LRRC52: variants seen among roughly 807,000 people sequenced by gnomAD.
The protein encoded by LRRC52 is leucine-rich repeat-containing protein 52.
In LRRC52, 15 loss-of-function variants were observed where a neutral mutation model predicts 14.7. That is an observed-to-expected ratio of 1.02 (90% CI 0.68 to 1.58). The LOEUF is 1.58. LRRC52 is among the 40% of genes most tolerant of loss of function. The pLI, the probability that LRRC52 is intolerant of heterozygous loss-of-function variation, is 0.00. For missense variants in LRRC52, 400 were observed against 387.7 expected, an observed-to-expected ratio of 1.03 and a Z score of -0.27; for synonymous variants, 180 against 163.9, an observed-to-expected ratio of 1.10 and a Z score of -0.75.
chr1:165,549,559 T>G (rs999407568), intron 1 of LRRC52, among the ~76,000 whole-genome samples: 3 of 152,210 alleles, frequency 2.0e-5, no homozygotes, highest in African/African-American at 7.2e-5. Context: ...TCCTTAAGCC[T>G]TTATCAGCTC....
rs561608247 is a variant in LRRC52 at position 165,553,729 on chromosome 1, T to C, written c.622+8811T>C. ...GGGGAGTGGCACCCCCTCTGCCCTCTGGGACTGCAGAGAAGGAGGCGAGGG... is the reference window on the plus strand; with the variant it reads ...GGGGAGTGGCACCCCCTCTGCCCTCCGGGACTGCAGAGAAGGAGGCGAGGG... On this transcript the variant is annotated intron_variant, in intron 1 of 1. Coordinates refer to ENST00000294818, the MANE Select transcript of LRRC52 (RefSeq NM_001005214.4). Among the ~76,000 whole-genome samples the C allele has an allele frequency of 1.7e-3, 253 of 152,202 alleles. 1 individual carries two copies. The highest frequency in any genetic ancestry group is 2.7e-3 in the Non-Finnish European group (184 of 67,986).
At chr1:165,561,070 T>C (rs1661330479) in intron 1 of LRRC52, among the ~76,000 whole-genome samples, 1 of 152,106 alleles carries the variant, frequency 6.6e-6, no homozygotes, top group Admixed American at 6.6e-5. Context: ...ATCTTGGCAG[T>C]GACTGCGACT....
chr1:165,559,637 C>T (rs1661303388), intron 1 of LRRC52, among the ~76,000 whole-genome samples: 1 of 152,124 alleles, frequency 6.6e-6, no homozygotes, highest in Non-Finnish European at 1.5e-5. Context: ...AACTTAATAT[C>T]CATAGGTTCT....
intron 1 of LRRC52, among the ~76,000 whole-genome samples, chr1:165,550,348 A>C (rs1661106817): frequency 6.6e-6 from 1 of 152,234 alleles, no homozygotes; most frequent in East Asian, 1.9e-4. Flanking sequence ...TTTCTGCAAC[A>C]GGGTAAATAG....
At chr1:165,547,872 T>C (rs1192470435) in intron 1 of LRRC52, among the ~76,000 whole-genome samples, 1 of 152,228 alleles carries the variant, frequency 6.6e-6, no homozygotes, top group Non-Finnish European at 1.5e-5. Context: ...TCTTGCCTTC[T>C]AGCCAAACCT....
chr1:165,556,310 C>T (rs971150081), intron 1 of LRRC52, among the ~76,000 whole-genome samples: 3 of 152,306 alleles, frequency 2.0e-5, no homozygotes, highest in South Asian at 4.1e-4. Flanking sequence ...ACTTGCTAAA[C>T]GTCAAGGTCT....
At chr1:165,556,784 A>T (rs1661242690) in intron 1 of LRRC52, among the ~76,000 whole-genome samples, 1 of 152,214 alleles carries the variant, frequency 6.6e-6, no homozygotes, top group African/African-American at 2.4e-5. Flanking sequence ...TGAAATTCTC[A>T]TAGGTTTGTG....
intron 1 of LRRC52, 73 bp downstream of exon 1, chr1:165,544,991 G>A: frequency 7.7e-6 from 12 of 1,559,742 alleles, no homozygotes; most frequent in Non-Finnish European, 1.0e-5. Context: ...TCAAAAGATG[G>A]TCAGAATGGG....
chr1:165,557,755 C>A (rs147980007), intron 1 of LRRC52, among the ~76,000 whole-genome samples: 3 of 152,148 alleles, frequency 2.0e-5, no homozygotes, highest in African/African-American at 7.2e-5. Context: ...TAGAAGTTGA[C>A]GAAGTGCTTG....
Position 165,544,226 on chromosome 1 carries a change from CACCGG to C in LRRC52, c.-70_-66del. On this transcript the variant is annotated 5_prime_UTR_variant, in exon 1 of 2. Transcript: ENST00000294818. The stretch of plus-strand genomic sequence containing the variant: ...GAGCCCCTCCCCCGCCCCACCCCCC[CACCGG>C]CAGCCTTCGGATCAGAGGACAGAGC... The C allele has an allele frequency of 1.8e-6, 1 of 560,352 alleles. No homozygotes were observed. The highest frequency in any genetic ancestry group is 3.1e-6 in the Non-Finnish European group (1 of 326,448). 34.7% of individuals were successfully genotyped at this position (560,352 alleles called of 1,614,324 possible).
rs560972861 is a variant in LRRC52, at chr1:165,562,743, A to G, written c.623-762A>G. Among the ~76,000 whole-genome samples the G allele has an allele frequency of 2.2e-3, 330 of 152,274 alleles. 1 individual carries two copies. The highest frequency in any genetic ancestry group is 7.6e-3 in the African/African-American group (316 of 41,574). Reference sequence around the variant, plus strand: ...CTACATATGGGGAGGTGCTCAGAGAAGTAGCCAGGAAGCTGAGTCAGCTAC... The same window carrying G: ...CTACATATGGGGAGGTGCTCAGAGAGGTAGCCAGGAAGCTGAGTCAGCTAC... On this transcript the variant is annotated intron_variant, in intron 1 of 1. Coordinates refer to ENST00000294818, the MANE Select transcript of LRRC52 (RefSeq NM_001005214.4).
Position 165,544,395 on chromosome 1 carries a change from A to T in LRRC52, c.99A>T (p.Gln33His). The part of the protein sequence containing the change: ...GSKCPNNCLC[Q>H]AQEVICTGKQ... ...AGTGTCCAAATAATTGTCTGTGTCA[A>T]GCCCAAGAAGTAATCTGCACAGGGA... is the stretch of plus-strand genomic sequence containing the variant. Residue 33 changes from glutamine to histidine, a missense_variant, in exon 1 of 2, where the codon CAA becomes CAT. Physicochemically the swap from Gln to His is conservative, Grantham distance 24 (BLOSUM62 0). Transcript: ENST00000294818. 1 of 1,614,164 alleles carries T rather than the reference A, an allele frequency of 6.2e-7. No homozygotes were observed. Among genetic ancestry groups the T allele is most frequent in the South Asian group, 1.1e-5 (1 of 91,076 alleles).
chr1:165,545,892 CA>C (rs1413476718), intron 1 of LRRC52, among the ~76,000 whole-genome samples: 1 of 152,116 alleles, frequency 6.6e-6, no homozygotes, highest in Non-Finnish European at 1.5e-5. Context: ...GGTAGAAAAT[CA>C]AATCCTGTCA....
chr1:165,545,100 G>A (rs1214961961), intron 1 of LRRC52, among the ~76,000 whole-genome samples, 182 bp downstream of exon 1: 1 of 152,116 alleles, frequency 6.6e-6, no homozygotes, highest in African/African-American at 2.4e-5. Context: ...TTCTGAAATA[G>A]GAATTCAAAG....
intron 1 of LRRC52, among the ~76,000 whole-genome samples, chr1:165,548,931 C>G (rs369400723): frequency 3.3e-5 from 5 of 152,094 alleles, no homozygotes; most frequent in Non-Finnish European, 5.9e-5. Context: ...GCTCAGCATA[C>G]GTGGTGTTAG....
intron 1 of LRRC52, among the ~76,000 whole-genome samples, chr1:165,558,772 T>C (rs1488643201): frequency 1.4e-5 from 2 of 141,686 alleles, no homozygotes; most frequent in African/African-American, 6.4e-5. Flanking sequence ...AGTAATTACA[T>C]TTAATGTCAA....
At chr1:165,563,402 TGGAGCACTGAG>T in intron 1 of LRRC52, 92 bp from the exon 2 acceptor site, 2 of 996,736 alleles carry the variant, frequency 2.0e-6, no homozygotes, top group Non-Finnish European at 2.9e-6. Flanking sequence ...AGACCACACT[TGGAGCACTGAG>T]GGTGCAGATG....
At chr1:165,548,023 A>T (rs1571105292) in intron 1 of LRRC52, among the ~76,000 whole-genome samples, 1 of 152,226 alleles carries the variant, frequency 6.6e-6, no homozygotes, top group Admixed American at 6.5e-5. Context: ...CACATTTGTT[A>T]TCAAAATGGT....
intron 1 of LRRC52, among the ~76,000 whole-genome samples, chr1:165,557,973 C>T (rs1289028690): frequency 6.6e-6 from 1 of 152,196 alleles, no homozygotes; most frequent in Non-Finnish European, 1.5e-5. Flanking sequence ...CCCTGGGAAC[C>T]TGCAGCACAG....
Sources: allele counts gnomAD v4.1 joint callset (sites outside exome capture counted in the v4.1 genomes callset), GRCh38; gene constraint gnomAD v4.1.1; transcripts MANE v1.5; gene names NCBI Gene and HGNC (gene_info 2026-07-23, HGNC 2026-07-21).